ASB13: variants seen among roughly 807,000 people sequenced by gnomAD.
ASB13 encodes the protein ankyrin repeat and SOCS box protein 13.
In ASB13, 33 loss-of-function variants were observed where a neutral mutation model predicts 28.8. That is an observed-to-expected ratio of 1.15 (90% confidence interval 0.87 to 1.53). ASB13 has a LOEUF of 1.53. Among genes scored for constraint, ASB13 ranks in the 40% most tolerant of loss-of-function variants. The pLI, the probability that ASB13 is intolerant of heterozygous loss-of-function variation, is 0.00. For synonymous variants in ASB13, 182 were observed against 172.9 expected, an observed-to-expected ratio of 1.05 and a Z score of -0.41; for missense variants, 414 against 390.1, an observed-to-expected ratio of 1.06 and a Z score of -0.52.
At position 5,652,863 on chromosome 10, in the gene ASB13, C is replaced by G; in HGVS notation, c.231G>C (p.Gln77His). The stretch of plus-strand genomic sequence containing the variant: ...GGGTCTGCCCTGAAGGGCCACTCAC[C>G]TGGGCCCCAGCCGCCAGCAGCAGCT... ...CVQLLLAAGA[Q>H]VDARNIDGST... The change falls in exon 2 of 6, where the codon CAG becomes CAC. Residue 77 changes from glutamine to histidine, a missense_variant and splice_region_variant. By Grantham distance (24) the Gln-to-His change is conservative. Transcript: ENST00000357700. The surrounding 1 kb of genome is among the most constrained non-coding windows in gnomAD (Gnocchi z 5.0). 2 of 1,539,504 alleles carry G rather than the reference C, an allele frequency of 1.3e-6. No homozygotes were observed. The highest frequency in any genetic ancestry group is 1.8e-6 in the Non-Finnish European group (2 of 1,141,212).
intron 1 of ASB13, 112 bp from the exon 2 acceptor site, chr10:5,653,162 G>A: frequency 9.0e-7 from 1 of 1,116,658 alleles, no homozygotes; most frequent in Non-Finnish European, 1.3e-6. Flanking sequence ...CCGTGATCAT[G>A]CAATTGTCCC....
Position 5,649,883 on chromosome 10 carries a change from G to A in ASB13, c.383-779C>T, listed in dbSNP as rs1834957535. Among the ~76,000 whole-genome samples the A allele has an allele frequency of 1.3e-5, 2 of 152,080 alleles. No individual in the cohort carries two copies. The highest frequency in any genetic ancestry group is 6.5e-5 in the Admixed American group (1 of 15,276). ...TGGGTCTGTAATGCGGATTTGGAGCGGGGTTCCAGGCCCCCCATCCTCCCG... is the reference window on the plus strand; with the variant it reads ...TGGGTCTGTAATGCGGATTTGGAGCAGGGTTCCAGGCCCCCCATCCTCCCG... On this transcript the variant is annotated intron_variant, in intron 3 of 5. Transcript: ENST00000357700. The surrounding 1 kb of genome is among the most constrained non-coding windows in gnomAD (Gnocchi z 6.4).
At position 5,641,255 on chromosome 10, in the gene ASB13, C is replaced by T. The variant is rs2131439862; in HGVS notation, c.710-425G>A. 6.6e-6 allele frequency among the ~76,000 whole-genome samples: 1 copy of T among 152,196 alleles called. No homozygotes were observed. The highest frequency in any genetic ancestry group is 6.5e-5 in the Admixed American group (1 of 15,292). On this transcript the variant is annotated intron_variant, in intron 5 of 5. Transcript: ENST00000357700. This position sits in a 1 kb window ranked among gnomAD's most constrained non-coding sequence, Gnocchi z 8.4. ...TAGCTGGGATTACAGGCACCCACCA[C>T]CATGCCCGCCTAATTTTTATATTTT... is the stretch of plus-strand genomic sequence containing the variant.
rs539561227 is a variant in ASB13 at position 5,659,323 on chromosome 10, T to G, written c.44-6273A>C. Among the ~76,000 whole-genome samples, 1 of 152,024 alleles carries G rather than the reference T, an allele frequency of 6.6e-6. No individual in the cohort carries two copies. The highest frequency in any genetic ancestry group is 1.9e-4 in the East Asian group (1 of 5,154). ...TGCTGCCACATAATAGGTTGCCCCC[T>G]CCCTAATGCAGATGATTGACAAGCC... is the stretch of plus-strand genomic sequence containing the variant. On this transcript the variant is annotated intron_variant, in intron 1 of 5. Coordinates refer to ENST00000357700, the MANE Select transcript of ASB13 (RefSeq NM_024701.4). The surrounding 1 kb of genome is among the most constrained non-coding windows in gnomAD (Gnocchi z 5.8).
intron 4 of ASB13, among the ~76,000 whole-genome samples, chr10:5,648,708 C>CT (rs1564217144): frequency 5.4e-5 from 4 of 74,118 alleles, no homozygotes; most frequent in African/African-American, 2.1e-4. Context: ...GCAAACACCC[C>CT]CGGGGGTAAA....
At chr10:5,666,467 G>C (rs1249297126) in intron 1 of ASB13, 42 bp downstream of exon 1, 3 of 1,279,358 alleles carry the variant, frequency 2.3e-6, no homozygotes, top group Non-Finnish European at 3.0e-6. Context: ...TCAGGAGCCG[G>C]CGCCGCTGCC....
In ASB13 at chr10:5,655,780, C is replaced by A. The variant is rs1309031991; in HGVS notation, c.44-2730G>T. 6.6e-6 allele frequency among the ~76,000 whole-genome samples: 1 copy of A among 152,086 alleles called. No individual in the cohort carries two copies. The highest frequency in any genetic ancestry group is 1.5e-5 in the Non-Finnish European group (1 of 68,018). Reference sequence around the variant, plus strand: ...ATCCTAAGGGTAGAAGGAGAGGCTGCCACTTGAAAAAGAAGAGGAAGGCAG... The same window carrying A: ...ATCCTAAGGGTAGAAGGAGAGGCTGACACTTGAAAAAGAAGAGGAAGGCAG... On this transcript the variant is annotated intron_variant, in intron 1 of 5. Coordinates refer to ENST00000357700, the MANE Select transcript of ASB13 (RefSeq NM_024701.4). The surrounding 1 kb of genome is among the most constrained non-coding windows in gnomAD (Gnocchi z 6.2).
At position 5,639,965 on chromosome 10, in the gene ASB13, C is replaced by T. The variant is rs1834779999; in HGVS notation, c.*738G>A. 6.6e-6 allele frequency: 1 copy of T among 152,530 alleles called. No homozygotes were observed. 9.4% of individuals were successfully genotyped at this position (152,530 alleles called of 1,614,324 possible). A position where few individuals can be genotyped will look rare whatever the true frequency, so the allele number is the denominator to read the frequency against. ...TACGTGTCCTCTAAAAGGTTTTTATCCTACATATAAACTTTTTACAAGAGT... is the reference window on the plus strand; with the variant it reads ...TACGTGTCCTCTAAAAGGTTTTTATTCTACATATAAACTTTTTACAAGAGT... On this transcript the variant is annotated 3_prime_UTR_variant, in exon 6 of 6. Transcript: ENST00000357700.
chr10:5,648,540 A>G (rs1834927635), intron 4 of ASB13, among the ~76,000 whole-genome samples: 1 of 141,558 alleles, frequency 7.1e-6, no homozygotes, highest in African/African-American at 2.7e-5. Context: ...CTACTCAGGT[A>G]AACACCCACT....
In ASB13 at chr10:5,640,449, C is replaced by T; in HGVS notation, c.*254G>A. 1 of 433,784 alleles carries T rather than the reference C, an allele frequency of 2.3e-6. No homozygotes were observed. The highest frequency in any genetic ancestry group is 2.9e-5 in the South Asian group (1 of 34,818). 26.9% of individuals were successfully genotyped at this position (433,784 alleles called of 1,614,324 possible). A position where few individuals can be genotyped will look rare whatever the true frequency, so the allele number is the denominator to read the frequency against. ...AAAACTGGATGGTTGGGCCCATGCC[C>T]ATTGAGAGGGTAGGTTCTGTAGAAC... is the stretch of plus-strand genomic sequence containing the variant. On this transcript the variant is annotated 3_prime_UTR_variant, in exon 6 of 6. Coordinates refer to ENST00000357700, the MANE Select transcript of ASB13 (RefSeq NM_024701.4).
rs1452125839 is a variant in ASB13 at position 5,655,302 on chromosome 10, T to G, written c.44-2252A>C. Among the ~76,000 whole-genome samples, 2 of 152,188 alleles carry G rather than the reference T, an allele frequency of 1.3e-5. No homozygotes were observed. Among genetic ancestry groups the G allele is most frequent in the African/African-American group, 4.8e-5 (2 of 41,448 alleles). The stretch of plus-strand genomic sequence containing the variant: ...CTTGGTGGAAACTCAGCTCAGCCTT[T>G]TATCAGCTTACCCAAAACACAACTT... On this transcript the variant is annotated intron_variant, in intron 1 of 5. Coordinates refer to ENST00000357700, the MANE Select transcript of ASB13 (RefSeq NM_024701.4). This position sits in a 1 kb window ranked among gnomAD's most constrained non-coding sequence, Gnocchi z 6.2.
rs868361631 is a variant in ASB13, at chr10:5,656,111, C to G, written c.44-3061G>C. Among the ~76,000 whole-genome samples the G allele has an allele frequency of 6.6e-6, 1 of 152,202 alleles. No homozygotes were observed. Among genetic ancestry groups the G allele is most frequent in the Non-Finnish European group, 1.5e-5 (1 of 68,038 alleles). On this transcript the variant is annotated intron_variant, in intron 1 of 5. Coordinates refer to ENST00000357700, the MANE Select transcript of ASB13 (RefSeq NM_024701.4). The surrounding 1 kb of genome is among the most constrained non-coding windows in gnomAD (Gnocchi z 4.3). ...GGTCACAGAGGCCGCAGAGCTGCAG[C>G]CGGGTCTATCTCAGGCACCGCTTAT...
rs1389493161 is a variant in ASB13 at position 5,642,823 on chromosome 10, T to C, written c.518-862A>G. Among the ~76,000 whole-genome samples the C allele has an allele frequency of 6.6e-6, 1 of 152,154 alleles. No homozygotes were observed. Among genetic ancestry groups the C allele is most frequent in the Non-Finnish European group, 1.5e-5 (1 of 68,030 alleles). On this transcript the variant is annotated intron_variant, in intron 4 of 5. Coordinates refer to ENST00000357700, the MANE Select transcript of ASB13 (RefSeq NM_024701.4). The surrounding 1 kb of genome is among the most constrained non-coding windows in gnomAD (Gnocchi z 4.1). The stretch of plus-strand genomic sequence containing the variant: ...CCATGCCCGGCTAATTTTTCTATTT[T>C]TTGTAGAGACGGGGTTTTGCCGTGT...
At position 5,656,201 on chromosome 10, in the gene ASB13, T is replaced by G. The variant is rs1416512231; in HGVS notation, c.44-3151A>C. Among the ~76,000 whole-genome samples the G allele has an allele frequency of 6.6e-6, 1 of 152,130 alleles. No homozygotes were observed. The highest frequency in any genetic ancestry group is 1.5e-5 in the Non-Finnish European group (1 of 68,020). On this transcript the variant is annotated intron_variant, in intron 1 of 5. Transcript: ENST00000357700. This position sits in a 1 kb window ranked among gnomAD's most constrained non-coding sequence, Gnocchi z 4.3. ...TGCTGGTATCCACGTGGTTGCTCAG[T>G]GAGTGAGTGGATGAGTAAATGAATG...
chr10:5,639,132 G>A lies in ASB13; in HGVS notation c.*1571C>T, dbSNP rs1834767556. 6.6e-6 allele frequency: 1 copy of A among 152,650 alleles called. No homozygotes were observed. Among genetic ancestry groups the A allele is most frequent in the Non-Finnish European group, 1.5e-5 (1 of 68,054 alleles). The allele number at this position is 152,650 out of a possible 1,614,324, so 9.5% of individuals were successfully genotyped here. ...CGAAGACCCGCCATGACAATGGCGG[G>A]AACGCTGGAGTAAAACCTCACGGCG... On this transcript the variant is annotated 3_prime_UTR_variant, in exon 6 of 6. Coordinates refer to ENST00000357700, the MANE Select transcript of ASB13 (RefSeq NM_024701.4).
In ASB13 at chr10:5,656,890, G is replaced by A. The variant is rs979058923; in HGVS notation, c.44-3840C>T. ...CTGCCCTTAACATAATTAAGAACCC[G>A]AAACCTGTACTGACTTAGACGGCAC... On this transcript the variant is annotated intron_variant, in intron 1 of 5. Transcript: ENST00000357700. The surrounding 1 kb of genome is among the most constrained non-coding windows in gnomAD (Gnocchi z 4.3). Among the ~76,000 whole-genome samples the A allele has an allele frequency of 4.6e-5, 7 of 152,034 alleles. No homozygotes were observed. In the South Asian group the frequency reaches 6.2e-4, roughly 13 times the overall value.
Position 5,663,180 on chromosome 10 carries a change from A to T in ASB13, c.43+3329T>A, listed in dbSNP as rs937855595. Among the ~76,000 whole-genome samples, 7 of 152,226 alleles carry T rather than the reference A, an allele frequency of 4.6e-5. No homozygotes were observed. Among genetic ancestry groups the T allele is most frequent in the African/African-American group, 1.7e-4 (7 of 41,452 alleles). On this transcript the variant is annotated intron_variant, in intron 1 of 5. Transcript: ENST00000357700. This position sits in a 1 kb window ranked among gnomAD's most constrained non-coding sequence, Gnocchi z 4.9. ...GGGACAAAATGGTCAAAACTCAGTA[A>T]GAGTGGAGAAAAGAAAGGGAAAGAA... is the stretch of plus-strand genomic sequence containing the variant.
At chr10:5,648,635 T>TAAACACCCACGCGGGC (rs1235727492) in intron 4 of ASB13, among the ~76,000 whole-genome samples, 1 of 122,060 alleles carries the variant, frequency 8.2e-6, no homozygotes, top group Non-Finnish European at 1.7e-5. Flanking sequence ...ACCACGCAGG[T>TAAACACCCACGCGGGC]AAACACCCAC....
At chr10:5,662,635 A>AGAGAAGAGAT (rs1564223044) in intron 1 of ASB13, among the ~76,000 whole-genome samples, 33 of 143,046 alleles carry the variant, frequency 2.3e-4, no homozygotes, top group Non-Finnish European at 4.1e-4. Flanking sequence ...AGAGAAGAGA[A>AGAGAAGAGAT]GAGATGAGAT....
Sources: allele counts gnomAD v4.1 joint callset (sites outside exome capture counted in the v4.1 genomes callset), GRCh38; gene constraint gnomAD v4.1.1; non-coding constraint Gnocchi (gnomAD v3.1); transcripts MANE v1.5; gene names NCBI Gene and HGNC (gene_info 2026-07-23, HGNC 2026-07-21).